The following ACTN1 variants were observed in gnomAD, a reference collection of about 807,000 sequenced individuals.
ACTN1 encodes the protein alpha-actinin-1.
ACTN1 carries 30 observed loss-of-function variants against 119.6 expected under a neutral mutation model. The observed-to-expected ratio is 0.25, with a 90% CI of 0.19 to 0.34. The LOEUF (loss-of-function observed/expected upper bound fraction) is 0.34, where lower values mean the gene tolerates loss of function less well. Among genes scored for constraint, ACTN1 ranks in the 10% least tolerant of loss-of-function variants. ACTN1 has a pLI of 1.00. For synonymous variants in ACTN1, 429 were observed against 472.6 expected (o/e 0.91, Z 1.20); for missense variants, 764 against 1,223.4 (o/e 0.62, Z 5.60).
chr14:68,958,664 C>T (rs1290699767), intron 1 of ACTN1, among the ~76,000 whole-genome samples: 1 of 152,096 alleles, frequency 6.6e-6, no homozygotes, highest in Non-Finnish European at 1.5e-5. Context: ...AGGAAAACAT[C>T]CACATGAAAG....
At chr14:68,976,609 G>A (rs764308543) in intron 1 of ACTN1, among the ~76,000 whole-genome samples, 2 of 152,158 alleles carry the variant, frequency 1.3e-5, no homozygotes, top group Non-Finnish European at 2.9e-5. Context: ...AGCACGTGTC[G>A]GCTCTCCTGG....
At position 68,885,302 on chromosome 14, in the gene ACTN1, C is replaced by G. The variant is rs2031901178; in HGVS notation, c.1385+123G>C. ...GTCTCCTGCGTTGACTCCCTCCCCA[C>G]CTGGGCACCCACCTGTACCCACCCT... On this transcript the variant is annotated intron_variant, in intron 12 of 21. Coordinates refer to ENST00000394419, the MANE Select transcript of ACTN1 (RefSeq NM_001130004.2). The surrounding 1 kb of genome is among the most constrained non-coding windows in gnomAD (Gnocchi z 5.6). The G allele has an allele frequency of 2.3e-6, 3 of 1,293,230 alleles. No homozygotes were observed. Among genetic ancestry groups the G allele is most frequent in the Non-Finnish European group, 3.1e-6 (3 of 965,658 alleles). The allele number at this position is 1,293,230 out of a possible 1,614,324, so 80.1% of individuals were successfully genotyped here.
intron 8 of ACTN1, among the ~76,000 whole-genome samples, chr14:68,898,121 G>T (rs960193537): frequency 6.6e-6 from 1 of 152,228 alleles, no homozygotes; most frequent in Non-Finnish European, 1.5e-5. Context: ...AGCCACTGCC[G>T]GCTCCTTTTT....
chr14:68,939,335 T>C (rs2035685200), intron 1 of ACTN1, among the ~76,000 whole-genome samples: 1 of 152,144 alleles, frequency 6.6e-6, no homozygotes, highest in Non-Finnish European at 1.5e-5. Context: ...CCACCCCAAC[T>C]GCCAGCCACC....
intron 8 of ACTN1, among the ~76,000 whole-genome samples, chr14:68,899,206 C>T (rs1438191347): frequency 3.0e-5 from 4 of 135,038 alleles, no homozygotes; most frequent in Non-Finnish European, 1.6e-5. Flanking sequence ...CACACTATAC[C>T]CCTCCACACC....
intron 1 of ACTN1, among the ~76,000 whole-genome samples, chr14:68,970,392 C>T (rs2036844547): frequency 6.6e-6 from 1 of 152,234 alleles, no homozygotes; most frequent in Admixed American, 6.5e-5. Context: ...TCTAAATCGT[C>T]TCAAGGCTTA....
intron 10 of ACTN1, 61 bp downstream of exon 10, chr14:68,891,992 G>A: frequency 6.3e-7 from 1 of 1,584,832 alleles, no homozygotes; most frequent in Non-Finnish European, 8.6e-7. Flanking sequence ...ACCACAACTA[G>A]GAGCAGCTCA....
At chr14:68,961,545 C>G (rs1278220226) in intron 1 of ACTN1, among the ~76,000 whole-genome samples, 1 of 152,158 alleles carries the variant, frequency 6.6e-6, no homozygotes, top group African/African-American at 2.4e-5. Context: ...GGCCGCCACA[C>G]GGGGCACAGG....
At chr14:68,893,839 T>A in intron 8 of ACTN1, 92 bp from the exon 9 acceptor site, 1 of 1,183,856 alleles carries the variant, frequency 8.4e-7, no homozygotes, top group Non-Finnish European at 1.2e-6. Context: ...CTCCCATCCC[T>A]GCAGCTCCCT....
In ACTN1 at chr14:68,892,214, T is replaced by C. The variant is rs759951802; in HGVS notation, c.925A>G (p.Met309Val). Residue 309 changes from methionine (M) to valine (V), a missense_variant, in exon 10 of 22, where the codon ATG (methionine) becomes GTG (valine). Physicochemically the swap from Met to Val is conservative, Grantham distance 21. Around this residue, in one of 4 missense-constraint regions of ACTN1, gnomAD observed 544 missense variants for 912.0 expected, o/e 0.60. Coordinates refer to ENST00000394419, the MANE Select transcript of ACTN1 (RefSeq NM_001130004.2). ...CGGAAGTCCTCCAGCTTCTGTTGCATGGCATGCATGGTGTTCTCGGGCACC... is the reference window on the plus strand; with the variant it reads ...CGGAAGTCCTCCAGCTTCTGTTGCACGGCATGCATGGTGTTCTCGGGCACC... ...NRVPENTMHA[M>V]QQKLEDFRDY... 2.5e-6 allele frequency: 4 copies of C among 1,614,150 alleles called. No homozygotes were observed. The highest frequency in any genetic ancestry group is 1.7e-5 in the Admixed American group (1 of 60,022).
At chr14:68,884,694 A>T in intron 13 of ACTN1, 81 bp downstream of exon 13, 1 of 1,244,822 alleles carries the variant, frequency 8.0e-7, no homozygotes, top group Non-Finnish European at 1.2e-6. Flanking sequence ...TTTTAGCCCA[A>T]AGCAAAGAGA....
chr14:68,978,196 A>C, intron 1 of ACTN1: 1 of 456,100 alleles, frequency 2.2e-6, no homozygotes, highest in Non-Finnish European at 4.4e-6. Flanking sequence ...GCAGCCCCTC[A>C]ACTCGAACCG....
In ACTN1 at chr14:68,907,539, G is replaced by C. The variant is rs190158108; in HGVS notation, c.594+1779C>G. ...AGATCACGCCATTGCACTCCAGCCT[G>C]GGCAACAATAGTGAAACTCTGTCTC... On this transcript the variant is annotated intron_variant, in intron 6 of 21. Coordinates refer to ENST00000394419, the MANE Select transcript of ACTN1 (RefSeq NM_001130004.2). Among the ~76,000 whole-genome samples the C allele has an allele frequency of 7.9e-5, 12 of 152,228 alleles. No homozygotes were observed. In the East Asian group the frequency reaches 1.3e-3, roughly 17 times the overall value.
rs114258050 is a variant in ACTN1 at position 68,899,812 on chromosome 14, G to C, written c.762+2665C>G. ...AGAGAAGGAAGGAGCTTTGGGAAGA[G>C]GGGAAAAGACCATAGCAGAGAGCTC... On this transcript the variant is annotated intron_variant, in intron 8 of 21. Transcript: ENST00000394419. Among the ~76,000 whole-genome samples the C allele has an allele frequency of 9.0e-3, 1,366 of 152,322 alleles. 22 individuals are homozygous for C. The highest frequency in any genetic ancestry group is 0.031 in the African/African-American group (1,301 of 41,564).
chr14:68,901,234 TTTTG>T (rs1409550972), intron 8 of ACTN1, among the ~76,000 whole-genome samples: 2 of 141,642 alleles, frequency 1.4e-5, no homozygotes, highest in African/African-American at 2.8e-5. Flanking sequence ...TTTTGTTTTG[TTTTG>T]TTTTTGTTTT....
At chr14:68,920,243 G>A (rs888202958) in intron 3 of ACTN1, among the ~76,000 whole-genome samples, 5 of 152,224 alleles carry the variant, frequency 3.3e-5, no homozygotes, top group South Asian at 4.1e-4. Context: ...ATGCCACAGA[G>A]TGAGCAATCC....
chr14:68,930,664 CT>C (rs2140423529), intron 1 of ACTN1, among the ~76,000 whole-genome samples: 1 of 152,316 alleles, frequency 6.6e-6, no homozygotes, highest in South Asian at 2.1e-4. Flanking sequence ...GGCCTATCAG[CT>C]TCTAGCAGGT....
At chr14:68,913,342 T>C (rs2034111443) in intron 3 of ACTN1, among the ~76,000 whole-genome samples, 1 of 152,214 alleles carries the variant, frequency 6.6e-6, no homozygotes. Flanking sequence ...CAGGAGATAG[T>C]AATCCGGCCC....
chr14:68,896,079 C>T lies in ACTN1; in HGVS notation c.763-2332G>A, dbSNP rs377623815. 2.6e-4 allele frequency among the ~76,000 whole-genome samples: 40 copies of T among 152,302 alleles called. No individual in the cohort carries two copies. In the East Asian group the frequency reaches 2.7e-3, roughly 10 times the overall value. The stretch of plus-strand genomic sequence containing the variant: ...CTTCAGAAATAACACACAAGTACCA[C>T]GGGAGACACAAGAGTGCTTTCTGTA... On this transcript the variant is annotated intron_variant, in intron 8 of 21. Coordinates refer to ENST00000394419, the MANE Select transcript of ACTN1 (RefSeq NM_001130004.2).
Sources: gnomAD v4.1 joint callset for allele counts (sites outside exome capture counted in the v4.1 genomes callset) on GRCh38, gnomAD v4.1.1 for gene constraint, gnomAD v4.1.1 regional missense constraint, Gnocchi (gnomAD v3.1) non-coding constraint, MANE v1.5 for transcripts, NCBI Gene and HGNC (gene_info 2026-07-23, HGNC 2026-07-21) for gene names.